The following CSMD1 variants were observed in gnomAD, a reference collection of about 807,000 sequenced individuals.
The protein encoded by CSMD1 is CUB and Sushi multiple domains 1.
In CSMD1, 213 loss-of-function variants were observed where a neutral mutation model predicts 417.5. The observed-to-expected ratio is 0.51, with a 90% CI of 0.46 to 0.57. The LOEUF (loss-of-function observed/expected upper bound fraction) is 0.57, where lower values mean the gene tolerates loss of function less well. Among genes scored for constraint, CSMD1 ranks in the 20% least tolerant of loss-of-function variants. The pLI is 0.00. For synonymous variants in CSMD1, 2,862 were observed against 1,736.8 expected (o/e 1.65, Z -16.11); for missense variants, 6,923 against 4,529.7 (o/e 1.53, Z -15.17).
At chr8:4,906,176 C>A (rs1475752529) in intron 1 of CSMD1, among the ~76,000 whole-genome samples, 1 of 152,078 alleles carries the variant, frequency 6.6e-6, no homozygotes, top group African/African-American at 2.4e-5. Flanking sequence ...CTGTGAGAAC[C>A]CTTGAGTCTA....
chr8:3,956,758 A>G (rs981867287), intron 5 of CSMD1, among the ~76,000 whole-genome samples: 1 of 152,204 alleles, frequency 6.6e-6, no homozygotes, highest in Non-Finnish European at 1.5e-5. Context: ...CCCAACTCCA[A>G]AGCTTAGTTT....
intron 7 of CSMD1, among the ~76,000 whole-genome samples, chr8:3,636,136 C>G (rs1227486308): frequency 6.6e-6 from 1 of 152,166 alleles, no homozygotes; most frequent in African/African-American, 2.4e-5. Flanking sequence ...ACACATTAGC[C>G]TAGGCCTACA....
chr8:3,857,353 A>C (rs1263269982), intron 5 of CSMD1, among the ~76,000 whole-genome samples: 1 of 152,216 alleles, frequency 6.6e-6, no homozygotes, highest in Non-Finnish European at 1.5e-5. Flanking sequence ...ACAAAACTAC[A>C]CAAACAAAGC....
In CSMD1 at chr8:4,869,177, A is replaced by G. The variant is rs568704548; in HGVS notation, c.85+125155T>C. On this transcript the variant is annotated intron_variant, in intron 1 of 69. Transcript: ENST00000635120. ...AATCTATCTAGTAATAAATATGGCA[A>G]TAATAATTTTGTACACCTGCTATAA... Among the ~76,000 whole-genome samples, 69 of 152,094 alleles carry G rather than the reference A, an allele frequency of 4.5e-4. 1 individual carries two copies. The South Asian group carries it at 0.014, about 30-fold the overall frequency.
At chr8:4,235,359 TG>T (rs1563315408) in intron 3 of CSMD1, among the ~76,000 whole-genome samples, 2 of 119,438 alleles carry the variant, frequency 1.7e-5, no homozygotes, top group East Asian at 2.0e-4. Context: ...AGACGTGTTT[TG>T]TTTTTTTTTT....
At chr8:3,637,112 C>T (rs908523217) in intron 7 of CSMD1, among the ~76,000 whole-genome samples, 2 of 152,166 alleles carry the variant, frequency 1.3e-5, no homozygotes, top group African/African-American at 2.4e-5. Context: ...AAATAAATTT[C>T]CTTCCTTTAT....
At chr8:4,800,526 T>C (rs551225628) in intron 1 of CSMD1, among the ~76,000 whole-genome samples, 80 of 152,132 alleles carry the variant, frequency 5.3e-4, no homozygotes, top group African/African-American at 1.8e-3. Flanking sequence ...CAAGTATTCA[T>C]GTGAGAGTGA....
intron 10 of CSMD1, among the ~76,000 whole-genome samples, chr8:3,511,108 C>A (rs1159774277): frequency 6.6e-6 from 1 of 151,762 alleles, no homozygotes; most frequent in Non-Finnish European, 1.5e-5. Context: ...GAAACCATCA[C>A]TGTCAGCAAA....
chr8:4,801,300 T>C (rs933729306), intron 1 of CSMD1, among the ~76,000 whole-genome samples: 2 of 152,082 alleles, frequency 1.3e-5, no homozygotes, highest in Non-Finnish European at 2.9e-5. Flanking sequence ...ATATGAAGTA[T>C]CACAGACAAG....
intron 2 of CSMD1, among the ~76,000 whole-genome samples, chr8:4,573,904 G>A (rs994184816): frequency 1.3e-5 from 2 of 152,172 alleles, no homozygotes; most frequent in African/African-American, 4.8e-5. Context: ...AAACTTCCTG[G>A]CAGCTATGTT....
chr8:4,440,203 A>G (rs1391754148), intron 2 of CSMD1, among the ~76,000 whole-genome samples: 1 of 152,112 alleles, frequency 6.6e-6, no homozygotes, highest in Non-Finnish European at 1.5e-5. Flanking sequence ...TGATCCAGCA[A>G]CCTTTTGAAA....
chr8:3,342,049 A>G (rs1176597534), intron 23 of CSMD1, among the ~76,000 whole-genome samples: 1 of 152,246 alleles, frequency 6.6e-6, no homozygotes, highest in Admixed American at 6.5e-5. Context: ...TTATAGGTTG[A>G]TCTTGTAACA....
chr8:3,867,411 C>A (rs1207687432), intron 5 of CSMD1, among the ~76,000 whole-genome samples: 1 of 152,088 alleles, frequency 6.6e-6, no homozygotes, highest in East Asian at 1.9e-4. Context: ...TTTAAGGATA[C>A]TTACTCAGGA....
intron 5 of CSMD1, among the ~76,000 whole-genome samples, chr8:3,994,931 C>G (rs1313899961): frequency 6.6e-6 from 1 of 152,138 alleles, no homozygotes; most frequent in Non-Finnish European, 1.5e-5. Context: ...ATATGTGTAT[C>G]TGCCCTCACT....
intron 5 of CSMD1, among the ~76,000 whole-genome samples, chr8:3,915,573 T>C (rs940342858): frequency 6.5e-4 from 98 of 151,828 alleles, no homozygotes; most frequent in African/African-American, 2.1e-3. Flanking sequence ...AATTCTATAA[T>C]AGTCAGACAT....
At chr8:4,539,136 T>C (rs1201329486) in intron 2 of CSMD1, among the ~76,000 whole-genome samples, 1 of 152,204 alleles carries the variant, frequency 6.6e-6, no homozygotes, top group East Asian at 1.9e-4. Flanking sequence ...TGGAAAAAGC[T>C]AAAAATGGAT....
chr8:4,801,994 C>G (rs1585122946), intron 1 of CSMD1, among the ~76,000 whole-genome samples: 1 of 152,142 alleles, frequency 6.6e-6, no homozygotes, highest in Non-Finnish European at 1.5e-5. Context: ...TGAAGCAAGG[C>G]TCAGCATTTT....
intron 1 of CSMD1, among the ~76,000 whole-genome samples, chr8:4,703,208 T>C (rs1195535926): frequency 6.6e-6 from 1 of 152,208 alleles, no homozygotes; most frequent in Non-Finnish European, 1.5e-5. Flanking sequence ...TGGATGATGC[T>C]ATAGCTCATA....
chr8:4,315,962 G>A (rs887438022), intron 3 of CSMD1, among the ~76,000 whole-genome samples: 24 of 151,864 alleles, frequency 1.6e-4, no homozygotes, highest in South Asian at 2.1e-4. Context: ...AATAAAGAAC[G>A]GGAAATTTTG....
Sources: allele counts gnomAD v4.1 joint callset (sites outside exome capture counted in the v4.1 genomes callset), GRCh38; gene constraint gnomAD v4.1.1; transcripts MANE v1.5; gene names NCBI Gene and HGNC (gene_info 2026-07-23, HGNC 2026-07-21).